The following LEFTY1 variants were observed in gnomAD, a reference collection of about 807,000 sequenced individuals.
LEFTY1 encodes the protein left-right determination factor B.
A neutral mutation model predicts 22.6 loss-of-function variants in LEFTY1; 18 were observed. That is an observed-to-expected ratio of 0.80 (90% CI 0.55 to 1.18). The LOEUF is 1.18. Ranked by LOEUF, LEFTY1 falls within the 50% of genes most tolerant of loss-of-function variation. LEFTY1 has a pLI of 0.00. For synonymous variants in LEFTY1, 201 were observed against 231.5 expected, an observed-to-expected ratio of 0.87 and a Z score of 1.20; for missense variants, 414 against 495.4, an observed-to-expected ratio of 0.84 and a Z score of 1.56.
intron 1 of LEFTY1, 102 bp from the exon 2 acceptor site, chr1:225,888,134 C>A: frequency 6.7e-7 from 1 of 1,492,980 alleles, no homozygotes; most frequent in Non-Finnish European, 9.0e-7. Context: ...GACACCGGCC[C>A]TGTTCTATTT....
At position 225,886,391 on chromosome 1, in the gene LEFTY1, CT is replaced by C; in HGVS notation, c.*335del. 2 of 336,098 alleles carry C rather than the reference CT, an allele frequency of 6.0e-6. No homozygotes were observed. Among genetic ancestry groups the C allele is most frequent in the Non-Finnish European group, 1.1e-5 (2 of 183,030 alleles). 20.8% of individuals were successfully genotyped at this position (336,098 alleles called of 1,614,324 possible). A position where few individuals can be genotyped will look rare whatever the true frequency, so the allele number is the denominator to read the frequency against. On this transcript the variant is annotated 3_prime_UTR_variant, in exon 4 of 4. Coordinates refer to ENST00000272134, the MANE Select transcript of LEFTY1 (RefSeq NM_020997.4). ...TTAGGTCCAGAGTGGTGGTGGAGGACTTTAGCCCAGATCCAGTGACAGGACA... is the reference window on the plus strand; with the variant it reads ...TTAGGTCCAGAGTGGTGGTGGAGGACTTAGCCCAGATCCAGTGACAGGACA...
At position 225,886,677 on chromosome 1, in the gene LEFTY1, C is replaced by T. The variant is rs766574031; in HGVS notation, c.*50G>A. 1.9e-6 allele frequency: 3 copies of T among 1,611,040 alleles called. No homozygotes were observed. The Admixed American group carries it at 5.0e-5, about 27-fold the overall frequency. On this transcript the variant is annotated 3_prime_UTR_variant, in exon 4 of 4. Transcript: ENST00000272134. ...CGCCAGCTCTCCTGGTACCCTCGAACACTTCAGAAACACACACAAGTCAAG... is the reference window on the plus strand; with the variant it reads ...CGCCAGCTCTCCTGGTACCCTCGAATACTTCAGAAACACACACAAGTCAAG...
chr1:225,887,368 C>G (rs767956450), intron 3 of LEFTY1, 31 bp downstream of exon 3: 1 of 1,611,342 alleles, frequency 6.2e-7, no homozygotes, highest in Non-Finnish European at 8.5e-7. Flanking sequence ...TCTCTTTATT[C>G]CGGCTTACCA....
rs1226018328 is a variant in LEFTY1 at position 225,886,891 on chromosome 1, G to A, written c.937C>T (p.Pro313Ser). The A allele has an allele frequency of 1.2e-6, 2 of 1,613,956 alleles. No individual in the cohort carries two copies. The highest frequency in any genetic ancestry group is 1.7e-6 in the Non-Finnish European group (2 of 1,180,038). Reference sequence around the variant, plus strand: ...GTCTCCGAGGCGATGCACTGTCGAGGCCCCAGAAACGGCCACTTGAAGGCC... The same window carrying A: ...GTCTCCGAGGCGATGCACTGTCGAGACCCCAGAAACGGCCACTTGAAGGCC... Reference protein sequence around the residue: ...ALAFKWPFLGPRQCIASETDS... With the variant: ...ALAFKWPFLGSRQCIASETDS... The change falls in exon 4 of 4, where the codon CCT becomes TCT. Residue 313 changes from proline (P) to serine (S), a missense_variant. Pro to Ser is a moderately conservative substitution (Grantham distance 74, BLOSUM62 -1). This residue lies in a region of LEFTY1 where 398 missense variants were observed against 454.7 expected (regional missense o/e 0.88). Transcript: ENST00000272134.
rs1036567526 is a variant in LEFTY1 at position 225,887,044 on chromosome 1, G to C, written c.784C>G (p.Arg262Gly). ...ATGTACATCTCCTGGCGGCAGCAGC[G>C]GGTGCCCTCGGTCATTGGTGCTTCA... The part of the protein sequence containing the change: ...DPEAPMTEGT[R>G]CCRQEMYIDL... Residue 262 changes from arginine (R) to glycine (G), a missense_variant, in exon 4 of 4, where the codon CGC becomes GGC. Physicochemically the swap from Arg to Gly is moderately radical, Grantham distance 125. This residue lies in a region of LEFTY1 where 398 missense variants were observed against 454.7 expected (regional missense o/e 0.88). Transcript: ENST00000272134. 8 of 1,598,092 alleles carry C rather than the reference G, an allele frequency of 5.0e-6. No individual in the cohort carries two copies. The highest frequency in any genetic ancestry group is 6.0e-6 in the Non-Finnish European group (7 of 1,171,478).
rs1261603871 is a variant in LEFTY1, at chr1:225,888,985, G to A, written c.82C>T (p.Leu28=). The A allele has an allele frequency of 1.3e-6, 2 of 1,586,936 alleles. No homozygotes were observed. The highest frequency in any genetic ancestry group is 3.5e-5 in the Admixed American group (2 of 56,902). The part of the protein sequence containing the change: ...PGAALTGEQL[L]GSLLRQLQLK... ...TGCAGCTGCCGCAGCAGGCTGCCCA[G>A]GAGCTGCTCCCCGGTCAGGGCGGCC... is the stretch of plus-strand genomic sequence containing the variant. The change falls in exon 1 of 4, where the codon CTG becomes TTG. Residue 28 remains leucine (L), a synonymous_variant. Transcript: ENST00000272134.
At chr1:225,888,141 A>G (rs1671325856) in intron 1 of LEFTY1, 109 bp from the exon 2 acceptor site, 1 of 1,464,574 alleles carries the variant, frequency 6.8e-7, no homozygotes, top group African/African-American at 1.5e-5. Flanking sequence ...GCCCTGTTCT[A>G]TTTCTGGGGC....
chr1:225,887,782 C>T lies in LEFTY1; in HGVS notation c.497+4G>A. ...CCTACCCTGCGCGCCCCCGCGACCC[C>T]CACCTGGAGTCGATGAGGGAGGTGC... On this transcript the variant is annotated splice_donor_region_variant and intron_variant, in intron 2 of 3. Transcript: ENST00000272134. The T allele has an allele frequency of 1.3e-6, 2 of 1,548,326 alleles. No individual in the cohort carries two copies. Among genetic ancestry groups the T allele is most frequent in the Middle Eastern group, 2.3e-4 (1 of 4,360 alleles).
chr1:225,886,770 C>T lies in LEFTY1; in HGVS notation c.1058G>A (p.Cys353Tyr). 6.2e-7 allele frequency: 1 copy of T among 1,613,864 alleles called. No homozygotes were observed. The highest frequency in any genetic ancestry group is 8.5e-7 in the Non-Finnish European group (1 of 1,180,048). The change falls in exon 4 of 4, where the codon TGT becomes TAT. Residue 353 changes from cysteine to tyrosine, a missense_variant. Cys to Tyr is a radical substitution (Grantham distance 194). This residue lies in a region of LEFTY1 where 16 missense variants were observed against 40.7 expected (regional missense o/e 0.39). Coordinates refer to ENST00000272134, the MANE Select transcript of LEFTY1 (RefSeq NM_020997.4). ...TGGCACGAGCGCACCATCCGAGGCA[C>T]AGCTGCACTTCTGCACCCTCATGTT... is the stretch of plus-strand genomic sequence containing the variant. ...LPNMRVQKCS[C>Y]ASDGALVPRR...
In LEFTY1 at chr1:225,889,002, AG is replaced by A; in HGVS notation, c.64del (p.Leu22Ter). 1 of 1,556,976 alleles carries A rather than the reference AG, an allele frequency of 6.4e-7. No homozygotes were observed. The highest frequency in any genetic ancestry group is 8.7e-7 in the Non-Finnish European group (1 of 1,151,528). Reference sequence around the variant, plus strand: ...GCTGCCCAGGAGCTGCTCCCCGGTCAGGGCGGCCCCGGGGCTGGCCAGGGGC... The same window carrying A: ...GCTGCCCAGGAGCTGCTCCCCGGTCAGGCGGCCCCGGGGCTGGCCAGGGGC... ...VLPLASPGAA[L>X]TGEQLLGSLL... is the part of the protein sequence containing the mutation. On this transcript the variant is annotated frameshift_variant, in exon 1 of 4. Transcript: ENST00000272134. LOFTEE classifies it high-confidence loss of function.
chr1:225,887,746 A>G, intron 2 of LEFTY1, 40 bp downstream of exon 2: 2 of 1,551,014 alleles, frequency 1.3e-6, no homozygotes, highest in Middle Eastern at 4.5e-4. Flanking sequence ...CGGGCCTAGC[A>G]GCGCCCTCCC....
At chr1:225,887,253 TACTGAGGA>T in intron 3 of LEFTY1, 138 bp downstream of exon 3, 1 of 1,492,020 alleles carries the variant, frequency 6.7e-7, no homozygotes, top group Non-Finnish European at 9.0e-7. Flanking sequence ...AACCGATATT[TACTGAGGA>T]TCTCCTAAGA....
Position 225,886,589 on chromosome 1 carries a change from G to A in LEFTY1, c.*138C>T, listed in dbSNP as rs142585586. On this transcript the variant is annotated 3_prime_UTR_variant, in exon 4 of 4. Transcript: ENST00000272134. ...AAAAATTAGGTGAGGTAACTTGTCA[G>A]AGGAAGCAAATTCAGGGCTCACTAG... is the stretch of plus-strand genomic sequence containing the variant. 1.1e-4 allele frequency: 159 copies of A among 1,491,498 alleles called. 1 individual carries two copies. In the East Asian group the frequency reaches 3.5e-3, roughly 33 times the overall value. 92.4% of individuals were successfully genotyped at this position (1,491,498 alleles called of 1,614,324 possible). A position where few individuals can be genotyped will look rare whatever the true frequency, so the allele number is the denominator to read the frequency against.
In LEFTY1 at chr1:225,887,613, A is replaced by T. The variant is rs1236126111; in HGVS notation, c.523T>A (p.Trp175Arg). The change falls in exon 3 of 4, where the codon TGG becomes AGG. Residue 175 changes from tryptophan to arginine, a missense_variant. Transcript: ENST00000272134. ...SRLVSVHESG[W>R]KAFDVTEAVN... ...GCCTCGGTCACGTCGAAGGCCTTCC[A>T]GCCGCTCTCGTGGACGGACACCAGC... 4.3e-6 allele frequency: 7 copies of T among 1,612,144 alleles called. No individual in the cohort carries two copies. Among genetic ancestry groups the T allele is most frequent in the Non-Finnish European group, 5.9e-6 (7 of 1,179,778 alleles).
chr1:225,887,193 T>C (rs1671296200), intron 3 of LEFTY1, 103 bp from the exon 4 acceptor site: 1 of 1,484,024 alleles, frequency 6.7e-7, no homozygotes, highest in Non-Finnish European at 8.9e-7. Context: ...TTCAAAAAGC[T>C]GGATGTTTGT....
Position 225,889,116 on chromosome 1 carries a change from G to C in LEFTY1, c.-50C>G. ...GCAGAGTGGGGCTGTCCCTTGAGAA[G>C]GCTGCAGGAGGGTCTCAGGCAGCTG... On this transcript the variant is annotated 5_prime_UTR_variant, in exon 1 of 4. Coordinates refer to ENST00000272134, the MANE Select transcript of LEFTY1 (RefSeq NM_020997.4). 9 of 1,429,638 alleles carry C rather than the reference G, an allele frequency of 6.3e-6. No individual in the cohort carries two copies. Among genetic ancestry groups the C allele is most frequent in the Non-Finnish European group, 8.2e-6 (9 of 1,095,384 alleles). 88.6% of individuals were successfully genotyped at this position (1,429,638 alleles called of 1,614,324 possible).
Position 225,886,725 on chromosome 1 carries a change from G to A in LEFTY1, c.*2C>T, listed in dbSNP as rs1671285443. On this transcript the variant is annotated 3_prime_UTR_variant, in exon 4 of 4. Transcript: ENST00000272134. ...AAGTCCCTCGATGGCTACACTAGGC[G>A]CCTATGGCTGGAGCCTCCTTGGCAC... The A allele has an allele frequency of 4.3e-6, 7 of 1,613,508 alleles. No individual in the cohort carries two copies. The highest frequency in any genetic ancestry group is 3.3e-5 in the Admixed American group (2 of 60,000).
At position 225,887,020 on chromosome 1, in the gene LEFTY1, T is replaced by G. The variant is rs1471390167; in HGVS notation, c.808A>C (p.Ile270Leu). The G allele has an allele frequency of 1.2e-6, 2 of 1,604,110 alleles. No homozygotes were observed. The highest frequency in any genetic ancestry group is 3.4e-5 in the Admixed American group (2 of 58,756). ...GTRCCRQEMY[I>L]DLQGMKWAEN... is the part of the protein sequence containing the mutation. ...GCCCACTTCATCCCCTGCAGGTCAA[T>G]GTACATCTCCTGGCGGCAGCAGCGG... is the stretch of plus-strand genomic sequence containing the variant. Residue 270 changes from isoleucine to leucine, a missense_variant, in exon 4 of 4, where the codon ATT (isoleucine) becomes CTT (leucine). Physicochemically the swap from Ile to Leu is conservative, Grantham distance 5. Around this residue, in one of 2 missense-constraint regions of LEFTY1, gnomAD observed 398 missense variants for 454.7 expected, o/e 0.88. Coordinates refer to ENST00000272134, the MANE Select transcript of LEFTY1 (RefSeq NM_020997.4).
chr1:225,886,751 G>A lies in LEFTY1; in HGVS notation c.1077C>T (p.Leu359=), dbSNP rs759363335. The A allele has an allele frequency of 2.7e-5, 44 of 1,613,560 alleles. No homozygotes were observed. In the Middle Eastern group the frequency reaches 5.2e-3, roughly 192 times the overall value. ...QKCSCASDGA[L]VPRRLQP ...CCTATGGCTGGAGCCTCCTTGGCAC[G>A]AGCGCACCATCCGAGGCACAGCTGC... is the stretch of plus-strand genomic sequence containing the variant. The change falls in exon 4 of 4, where the codon CTC becomes CTT. Residue 359 remains leucine, a synonymous_variant. Transcript: ENST00000272134.
Sources: gnomAD v4.1 joint callset for allele counts on GRCh38, gnomAD v4.1.1 for gene constraint, gnomAD v4.1.1 regional missense constraint, MANE v1.5 for transcripts, NCBI Gene and HGNC (gene_info 2026-07-23, HGNC 2026-07-21) for gene names.